The following TMEM163 variants were observed in gnomAD, a reference collection of about 807,000 sequenced individuals.
TMEM163 encodes transmembrane protein 163.
Under a neutral mutation model 29.3 loss-of-function variants are expected in TMEM163, and 17 were observed. The ratio of observed to expected loss-of-function variants is 0.58; its 90% confidence interval spans 0.40 to 0.87. The LOEUF (loss-of-function observed/expected upper bound fraction) is 0.87, where lower values mean the gene tolerates loss of function less well. Among genes scored for constraint, TMEM163 ranks in the 40% least tolerant of loss-of-function variants. The pLI, the probability that TMEM163 is intolerant of heterozygous loss-of-function variation, is 0.00. For missense variants in TMEM163, 303 were observed against 381.5 expected (o/e 0.79, Z 1.71); for synonymous variants, 157 against 160.6 (o/e 0.98, Z 0.17).
intron 2 of TMEM163, among the ~76,000 whole-genome samples, chr2:134,687,190 G>C (rs949472055): frequency 1.3e-5 from 2 of 152,154 alleles, no homozygotes; most frequent in African/African-American, 4.8e-5. Flanking sequence ...CTCCCAGAAA[G>C]GAAGAGAGTA....
At chr2:134,524,080 G>C (rs1488823301) in intron 4 of TMEM163, among the ~76,000 whole-genome samples, 1 of 152,220 alleles carries the variant, frequency 6.6e-6, no homozygotes, top group African/African-American at 2.4e-5. Flanking sequence ...TCTTGGACCA[G>C]CAGCAGCGAC....
In TMEM163 at chr2:134,598,026, A is replaced by G. The variant is rs143534953; in HGVS notation, c.323-45935T>C. 1.3e-3 allele frequency among the ~76,000 whole-genome samples: 202 copies of G among 152,246 alleles called. 1 individual carries two copies. The highest frequency in any genetic ancestry group is 9.9e-3 in the Admixed American group (152 of 15,280). ...CTCTTTCCTTATTAGTCTTGCTAGC[A>G]GTCTATCAATTTTGTTGATATTTTC... On this transcript the variant is annotated intron_variant, in intron 2 of 7. Transcript: ENST00000281924.
chr2:134,582,930 C>T (rs1367028961), intron 2 of TMEM163, among the ~76,000 whole-genome samples: 1 of 152,190 alleles, frequency 6.6e-6, no homozygotes, highest in African/African-American at 2.4e-5. Flanking sequence ...CTGGCTTGAA[C>T]ACACTCCACA....
intron 2 of TMEM163, among the ~76,000 whole-genome samples, chr2:134,637,145 T>C (rs1683122015): frequency 6.6e-6 from 1 of 152,238 alleles, no homozygotes. Flanking sequence ...GCAAGGTGAA[T>C]TGTTGGGCGA....
chr2:134,481,596 G>A (rs1043156266), intron 5 of TMEM163, among the ~76,000 whole-genome samples: 1 of 152,096 alleles, frequency 6.6e-6, no homozygotes, highest in African/African-American at 2.4e-5. Flanking sequence ...CCCAGTCTCC[G>A]GTATGTCTTT....
chr2:134,591,472 G>A lies in TMEM163; in HGVS notation c.323-39381C>T, dbSNP rs6750093. On this transcript the variant is annotated intron_variant, in intron 2 of 7. Transcript: ENST00000281924. The stretch of plus-strand genomic sequence containing the variant: ...GTCTTTATGACCTGTATCTTGTGCC[G>A]ATCTCCTATCTCATCCTGTGACTTA... Among the ~76,000 whole-genome samples the A allele has an allele frequency of 8.1e-3, 1,236 of 152,190 alleles. 20 individuals are homozygous for A. The highest frequency in any genetic ancestry group is 0.028 in the African/African-American group (1,152 of 41,518).
intron 2 of TMEM163, among the ~76,000 whole-genome samples, chr2:134,569,792 C>T (rs11901432): frequency 0.054 from 8,248 of 152,142 alleles, 720 homozygotes; most frequent in African/African-American, 0.19. Context: ...TACTCACAGT[C>T]GACTATAGTA....
chr2:134,479,077 G>A (rs1686985489), intron 5 of TMEM163, among the ~76,000 whole-genome samples: 1 of 152,150 alleles, frequency 6.6e-6, no homozygotes, highest in Non-Finnish European at 1.5e-5. Context: ...CTGGAGGCAG[G>A]CCCTCACAAG....
chr2:134,639,774 G>T (rs528189865), intron 2 of TMEM163, among the ~76,000 whole-genome samples: 3 of 152,118 alleles, frequency 2.0e-5, no homozygotes, highest in African/African-American at 2.4e-5. Flanking sequence ...TCAAACCACC[G>T]TTGACAATGA....
chr2:134,576,388 A>G lies in TMEM163; in HGVS notation c.323-24297T>C, dbSNP rs186974704. Among the ~76,000 whole-genome samples the G allele has an allele frequency of 1.6e-4, 25 of 152,302 alleles. No individual in the cohort carries two copies. In the East Asian group the frequency reaches 4.2e-3, roughly 26 times the overall value. ...CCTGGTATGGCCACACCTGGGGGAA[A>G]ACTGTATCCCCAATGCTGATGGTTT... On this transcript the variant is annotated intron_variant, in intron 2 of 7. Transcript: ENST00000281924.
At chr2:134,543,350 G>A (rs1292912946) in intron 4 of TMEM163, among the ~76,000 whole-genome samples, 7 of 152,304 alleles carry the variant, frequency 4.6e-5, no homozygotes, top group African/African-American at 1.4e-4. Flanking sequence ...ATCAGCCATC[G>A]AGGGCATCTC....
At chr2:134,486,183 A>G (rs1472329500) in intron 5 of TMEM163, among the ~76,000 whole-genome samples, 1 of 152,238 alleles carries the variant, frequency 6.6e-6, no homozygotes, top group African/African-American at 2.4e-5. Flanking sequence ...GACATAATTG[A>G]ATATTTTATC....
intron 2 of TMEM163, among the ~76,000 whole-genome samples, chr2:134,631,679 G>GT (rs527569994): frequency 1.0e-3 from 159 of 152,320 alleles, no homozygotes; most frequent in African/African-American, 3.5e-3. Context: ...TACTGAGCTG[G>GT]TATGTGCTGG....
At chr2:134,682,691 C>G (rs1039320590) in intron 2 of TMEM163, among the ~76,000 whole-genome samples, 1 of 152,140 alleles carries the variant, frequency 6.6e-6, no homozygotes, top group African/African-American at 2.4e-5. Flanking sequence ...TCATTACTGC[C>G]GGGAATACAA....
In TMEM163 at chr2:134,617,724, T is replaced by C. The variant is rs78379441; in HGVS notation, c.323-65633A>G. ...TGAGACATAGAAAACAAATAGCAAATGATAAATGTGAAACCAATCATATCA... is the reference window on the plus strand; with the variant it reads ...TGAGACATAGAAAACAAATAGCAAACGATAAATGTGAAACCAATCATATCA... On this transcript the variant is annotated intron_variant, in intron 2 of 7. Coordinates refer to ENST00000281924, the MANE Select transcript of TMEM163 (RefSeq NM_030923.5). Among the ~76,000 whole-genome samples, 431 of 151,290 alleles carry C rather than the reference T, an allele frequency of 2.8e-3. 2 individuals carry two copies. Among genetic ancestry groups the C allele is most frequent in the African/African-American group, 9.8e-3 (404 of 41,202 alleles).
intron 2 of TMEM163, among the ~76,000 whole-genome samples, chr2:134,575,125 CCTT>C (rs774054644): frequency 6.6e-5 from 10 of 151,964 alleles, no homozygotes; most frequent in Non-Finnish European, 1.5e-5. Context: ...AACGCAATGA[CCTT>C]CTTGGCGCTG....
At chr2:134,505,505 C>T (rs1251429120) in intron 4 of TMEM163, among the ~76,000 whole-genome samples, 1 of 152,042 alleles carries the variant, frequency 6.6e-6, no homozygotes, top group Non-Finnish European at 1.5e-5. Context: ...GGAAGGGGGT[C>T]TCGTGGGACC....
intron 4 of TMEM163, among the ~76,000 whole-genome samples, chr2:134,525,710 T>C: frequency 6.6e-6 from 1 of 152,216 alleles, no homozygotes; most frequent in East Asian, 1.9e-4. Context: ...AAACAGAATC[T>C]GCCTCCTTCC....
intron 2 of TMEM163, among the ~76,000 whole-genome samples, chr2:134,644,690 G>T (rs1043721954): frequency 2.0e-5 from 3 of 152,024 alleles, no homozygotes; most frequent in African/African-American, 7.2e-5. Flanking sequence ...GGAGAAATCC[G>T]TTGGGATCTG....
Sources: allele counts gnomAD v4.1 joint callset (sites outside exome capture counted in the v4.1 genomes callset), GRCh38; gene constraint gnomAD v4.1.1; transcripts MANE v1.5; gene names NCBI Gene and HGNC (gene_info 2026-07-23, HGNC 2026-07-21).